The following DNM3 variants were observed in gnomAD, a reference collection of about 807,000 sequenced individuals.
The protein encoded by DNM3 is dynamin 3.
Under a neutral mutation model 101.6 loss-of-function variants are expected in DNM3, and 47 were observed. That is an observed-to-expected ratio of 0.46 (90% CI 0.37 to 0.59). The LOEUF (loss-of-function observed/expected upper bound fraction) is 0.59. DNM3 is among the 20% of genes least tolerant of loss of function. DNM3 has a pLI of 0.00. For synonymous variants in DNM3, 385 were observed against 387.9 expected, an observed-to-expected ratio of 0.99 and a Z score of 0.09; for missense variants, 849 against 1,085.7, an observed-to-expected ratio of 0.78 and a Z score of 3.06.
chr1:171,904,123 C>G (rs1042632035), intron 1 of DNM3, among the ~76,000 whole-genome samples: 1 of 148,872 alleles, frequency 6.7e-6, no homozygotes, highest in Non-Finnish European at 1.5e-5. Flanking sequence ...TCCTGGGCAA[C>G]ATGGTGAAAC....
chr1:172,213,692 G>T (rs2060592829), intron 14 of DNM3, among the ~76,000 whole-genome samples: 1 of 151,814 alleles, frequency 6.6e-6, no homozygotes. Flanking sequence ...AGCGAGGCAT[G>T]GTGGCAGGTG....
At chr1:171,854,447 GC>G (rs2033350628) in intron 1 of DNM3, among the ~76,000 whole-genome samples, 1 of 152,154 alleles carries the variant, frequency 6.6e-6, no homozygotes, top group African/African-American at 2.4e-5. Context: ...GAATTTGGGT[GC>G]CTTTAGAGGT....
chr1:172,308,542 A>G (rs2064944432), intron 15 of DNM3, among the ~76,000 whole-genome samples, 186 bp from the exon 16 acceptor site: 2 of 152,064 alleles, frequency 1.3e-5, no homozygotes, highest in East Asian at 3.9e-4. Flanking sequence ...TTAAAAAATT[A>G]TATTGTAAAT....
intron 4 of DNM3, among the ~76,000 whole-genome samples, chr1:172,003,791 A>C (rs1191175505): frequency 6.6e-6 from 1 of 151,944 alleles, no homozygotes; most frequent in African/African-American, 2.4e-5. Context: ...GCTGAGGAAG[A>C]ACTGGGGTGG....
chr1:172,222,531 G>C (rs1361948174), intron 14 of DNM3, among the ~76,000 whole-genome samples: 1 of 152,140 alleles, frequency 6.6e-6, no homozygotes, highest in Non-Finnish European at 1.5e-5. Flanking sequence ...TAAAGAGAAA[G>C]GTTAGCAAGA....
At chr1:172,243,196 TA>T (rs1350325046) in intron 14 of DNM3, among the ~76,000 whole-genome samples, 2 of 152,104 alleles carry the variant, frequency 1.3e-5, no homozygotes, top group Non-Finnish European at 2.9e-5. Flanking sequence ...ACTATTTCTC[TA>T]AATTTAAGAA....
intron 12 of DNM3, among the ~76,000 whole-genome samples, chr1:172,090,525 A>G (rs1302209133): frequency 6.6e-6 from 1 of 152,246 alleles, no homozygotes; most frequent in Non-Finnish European, 1.5e-5. Flanking sequence ...AAATAATTTC[A>G]TCGTAATTAA....
intron 1 of DNM3, among the ~76,000 whole-genome samples, chr1:171,917,463 T>C (rs909973691): frequency 6.6e-6 from 1 of 152,206 alleles, no homozygotes; most frequent in African/African-American, 2.4e-5. Flanking sequence ...ACTCTATTTT[T>C]TTGTCTAGGA....
chr1:172,064,520 AT>A lies in DNM3; in HGVS notation c.1336-4298del, dbSNP rs536548406. On this transcript the variant is annotated intron_variant, in intron 10 of 20. Coordinates refer to ENST00000627582, the MANE Select transcript of DNM3 (RefSeq NM_015569.5). ...GGCACAGTTTGAATGAGATCATGAA[AT>A]AATCTCATTATGAGATTAAATGAGA... Among the ~76,000 whole-genome samples, 314 of 152,280 alleles carry A rather than the reference AT, an allele frequency of 2.1e-3. 4 individuals are homozygous for A. The highest frequency in any genetic ancestry group is 7.1e-3 in the African/African-American group (296 of 41,560).
intron 15 of DNM3, among the ~76,000 whole-genome samples, chr1:172,298,588 T>C (rs2064275147): frequency 6.6e-6 from 1 of 152,100 alleles, no homozygotes; most frequent in African/African-American, 2.4e-5. Flanking sequence ...TCACACCCTG[T>C]CTACCTGAGT....
chr1:171,858,451 A>G (rs944320735), intron 1 of DNM3, among the ~76,000 whole-genome samples: 2 of 152,004 alleles, frequency 1.3e-5, no homozygotes, highest in African/African-American at 4.8e-5. Context: ...CCATCACACA[A>G]CTCTCACTGT....
chr1:172,132,566 CTAAA>C (rs548582341), intron 14 of DNM3, among the ~76,000 whole-genome samples: 41 of 152,212 alleles, frequency 2.7e-4, no homozygotes, highest in African/African-American at 9.4e-4. Flanking sequence ...GTAAAAATCA[CTAAA>C]TAGATGATCT....
At chr1:172,205,045 T>C (rs1365192197) in intron 14 of DNM3, among the ~76,000 whole-genome samples, 2 of 152,204 alleles carry the variant, frequency 1.3e-5, no homozygotes, top group African/African-American at 4.8e-5. Flanking sequence ...GACATTGTTC[T>C]GTGAAACTCT....
intron 15 of DNM3, among the ~76,000 whole-genome samples, chr1:172,298,969 G>A (rs2064304799): frequency 6.6e-6 from 1 of 152,092 alleles, no homozygotes; most frequent in Middle Eastern, 3.2e-3. Flanking sequence ...GTGCTACAAA[G>A]GAAAGGTAAA....
chr1:171,918,295 T>C (rs1017156072), intron 1 of DNM3, among the ~76,000 whole-genome samples: 2 of 152,206 alleles, frequency 1.3e-5, no homozygotes, highest in Non-Finnish European at 2.9e-5. Context: ...ACTTGGGCCA[T>C]AGTTAGCATT....
intron 15 of DNM3, among the ~76,000 whole-genome samples, chr1:172,266,895 A>T (rs1011678907): frequency 6.6e-6 from 1 of 152,112 alleles, no homozygotes; most frequent in African/African-American, 2.4e-5. Context: ...TGTGATATAA[A>T]AATTTGGTTT....
At chr1:172,308,425 C>T (rs1368868736) in intron 15 of DNM3, among the ~76,000 whole-genome samples, 1 of 152,168 alleles carries the variant, frequency 6.6e-6, no homozygotes, top group African/African-American at 2.4e-5. Context: ...TTCCCCACAG[C>T]ACAAGTTCCA....
intron 17 of DNM3, among the ~76,000 whole-genome samples, chr1:172,346,399 C>T (rs771002712): frequency 6.6e-6 from 1 of 152,124 alleles, no homozygotes; most frequent in African/African-American, 2.4e-5. Context: ...GAGAGCAAAT[C>T]GTGCTGGGCC....
intron 14 of DNM3, among the ~76,000 whole-genome samples, chr1:172,218,412 A>C (rs2148552541): frequency 6.6e-6 from 1 of 152,230 alleles, no homozygotes; most frequent in East Asian, 1.9e-4. Flanking sequence ...AGTAAGGGTA[A>C]GGAGGACTGA....
Sources: allele counts gnomAD v4.1 joint callset (sites outside exome capture counted in the v4.1 genomes callset), GRCh38; gene constraint gnomAD v4.1.1; transcripts MANE v1.5; gene names NCBI Gene and HGNC (gene_info 2026-07-23, HGNC 2026-07-21).